The following PER1 variants were observed in gnomAD, a reference collection of about 807,000 sequenced individuals.
PER1 encodes the protein period circadian protein homolog 1.
Under a neutral mutation model 125.9 loss-of-function variants are expected in PER1, and 87 were observed. The ratio of observed to expected loss-of-function variants is 0.69; its 90% CI spans 0.58 to 0.83. The LOEUF is 0.83. Among genes scored for constraint, PER1 ranks in the 40% least tolerant of loss-of-function variants. The probability of loss-of-function intolerance (pLI) is 0.00; values close to 1 mark genes in which losing one functional copy is unlikely to be tolerated. For missense variants in PER1, 1,775 were observed against 1,722.8 expected (o/e 1.03, Z -0.54); for synonymous variants, 801 against 714.7 (o/e 1.12, Z -1.93).
At position 8,147,699 on chromosome 17, in the gene PER1, C is replaced by A; in HGVS notation, c.1363G>T (p.Val455Leu). Residue 455 changes from valine to leucine, a missense_variant, in exon 11 of 23, where the codon GTG becomes TTG. By Grantham distance (32) the Val-to-Leu change is conservative. Transcript: ENST00000317276. The stretch of plus-strand genomic sequence containing the variant: ...GTGCGTACTTTGTGGCGGCCCAACA[C>A]GAAGGCTACCTTGCGGCTCCAGGGG... ...VHPWSRKVAF[V>L]LGRHKVRTAP... 1 of 1,614,088 alleles carries A rather than the reference C, an allele frequency of 6.2e-7. No individual in the cohort carries two copies. The highest frequency in any genetic ancestry group is 1.1e-5 in the South Asian group (1 of 91,088).
intron 2 of PER1, 40 bp downstream of exon 2, chr17:8,150,392 C>T (rs1306878684): frequency 5.1e-6 from 8 of 1,571,570 alleles, no homozygotes; most frequent in Non-Finnish European, 6.1e-6. Flanking sequence ...TGCCTGCTCA[C>T]AAGACCATTC....
intron 20 of PER1, 87 bp from the exon 21 acceptor site, chr17:8,142,545 T>A: frequency 6.5e-7 from 1 of 1,542,746 alleles, no homozygotes. Context: ...AAAGGCCACA[T>A]GTCCATCCCA....
Position 8,150,620 on chromosome 17 carries a change from C to T in PER1, c.87G>A (p.Gly29=). The change falls in exon 2 of 23, where the codon GGG becomes GGA. Residue 29 remains glycine, a synonymous_variant. Transcript: ENST00000317276. ...CTGGGCAAGGCCGGTGCTGTGGGGG[C>T]CCAGGGGATGGGACGCCCCCAGGAC... ...SFCPGGVPSP[G]PPQHRPCPGP... is the part of the protein sequence containing the mutation. 1 of 1,612,856 alleles carries T rather than the reference C, an allele frequency of 6.2e-7. No homozygotes were observed. Among genetic ancestry groups the T allele is most frequent in the Admixed American group, 1.7e-5 (1 of 59,802 alleles).
chr17:8,149,437 T>C (rs1982684177), intron 6 of PER1, 25 bp downstream of exon 6: 3 of 1,608,850 alleles, frequency 1.9e-6, no homozygotes, highest in Non-Finnish European at 2.6e-6. Context: ...TGCTCATGCC[T>C]CCCCACAGCG....
chr17:8,149,886 G>A lies in PER1; in HGVS notation c.530-10C>T, dbSNP rs1308583781. ...TAGTATTCCTGGTTGGCTGCAGAGT[G>A]GAGGCAGTGAGGCATTCAGTAAGGA... On this transcript the variant is annotated splice_polypyrimidine_tract_variant and intron_variant, in intron 4 of 22. Coordinates refer to ENST00000317276, the MANE Select transcript of PER1 (RefSeq NM_002616.3). The A allele has an allele frequency of 6.2e-7, 1 of 1,614,134 alleles. No homozygotes were observed. Among genetic ancestry groups the A allele is most frequent in the Non-Finnish European group, 8.5e-7 (1 of 1,180,024 alleles).
At chr17:8,145,726 C>G (rs1330322560) in intron 17 of PER1, among the ~76,000 whole-genome samples, 2 of 152,216 alleles carry the variant, frequency 1.3e-5, no homozygotes, top group Non-Finnish European at 2.9e-5. Context: ...AACCCTCTAT[C>G]CCAGACTCTG....
At position 8,141,035 on chromosome 17, in the gene PER1, C is replaced by T; in HGVS notation, c.*33G>A. On this transcript the variant is annotated 3_prime_UTR_variant, in exon 23 of 23. Transcript: ENST00000317276. ...TGGGACATAGGAGAAGAAAGCCTCT[C>T]ATGGACTCCTGGAGATGGTCCCAGA... 6.3e-7 allele frequency: 1 copy of T among 1,581,634 alleles called. No homozygotes were observed. Among genetic ancestry groups the T allele is most frequent in the Non-Finnish European group, 8.6e-7 (1 of 1,160,834 alleles).
chr17:8,145,835 C>A (rs1982395895), intron 17 of PER1, 123 bp downstream of exon 17: 2 of 1,111,176 alleles, frequency 1.8e-6, no homozygotes, highest in Admixed American at 2.5e-5. Flanking sequence ...TAGCCCCAAG[C>A]CCCAGGTCAA....
At chr17:8,145,052 T>TA in intron 17 of PER1, 59 bp from the exon 18 acceptor site, 9 of 1,388,498 alleles carry the variant, frequency 6.5e-6, no homozygotes, top group Non-Finnish European at 7.5e-6. Context: ...AACACATCCA[T>TA]ACCACACCCT....
Position 8,149,742 on chromosome 17 carries a change from G to C in PER1, c.651+13C>G. ...GGGGTGCGTCGGGATGCAGAGGCCA[G>C]GCCGCCGCTGACCTGGTTCTGAAGT... is the stretch of plus-strand genomic sequence containing the variant. On this transcript the variant is annotated intron_variant, in intron 5 of 22. Transcript: ENST00000317276. The C allele has an allele frequency of 6.2e-7, 1 of 1,612,646 alleles. No individual in the cohort carries two copies. Among genetic ancestry groups the C allele is most frequent in the Non-Finnish European group, 8.5e-7 (1 of 1,179,988 alleles).
intron 1 of PER1, among the ~76,000 whole-genome samples, chr17:8,152,100 A>G: frequency 6.6e-6 from 1 of 152,164 alleles, no homozygotes; most frequent in East Asian, 1.9e-4. Flanking sequence ...GGGGCCGGGA[A>G]AGCTGGGACG....
chr17:8,141,178 G>A lies in PER1; in HGVS notation c.3763C>T (p.Gln1255Ter). 1.2e-6 allele frequency: 2 copies of A among 1,614,140 alleles called. No homozygotes were observed. Among genetic ancestry groups the A allele is most frequent in the Non-Finnish European group, 1.7e-6 (2 of 1,180,024 alleles). ...SGEGEGCEEAQGGAKASSSQD... is the reference protein window; with the variant it reads ...SGEGEGCEEA ...GAGCTTGAAGCCTTGGCCCCGCCTT[G>A]GGCCTCCTCGCAGCCCTCTCCCTCA... The change falls in exon 23 of 23, where the codon CAA (glutamine) becomes TAA (stop). Residue 1255 changes from glutamine to a stop codon, truncating the protein, a stop_gained. Coordinates refer to ENST00000317276, the MANE Select transcript of PER1 (RefSeq NM_002616.3). LOFTEE classifies it high-confidence loss of function.
chr17:8,149,712 G>T (rs372070370), intron 5 of PER1, 43 bp downstream of exon 5: 1 of 1,612,902 alleles, frequency 6.2e-7, no homozygotes, highest in Non-Finnish European at 8.5e-7. Context: ...GTGGGAGAAG[G>T]AGTAGGGGTG....
At chr17:8,149,702 G>A (rs1454555523) in intron 5 of PER1, 39 bp from the exon 6 acceptor site, 2 of 1,611,798 alleles carry the variant, frequency 1.2e-6, no homozygotes, top group Non-Finnish European at 8.5e-7. Context: ...TTCAAGAGCT[G>A]TGGGAGAAGG....
Position 8,147,340 on chromosome 17 carries a change from GCCGACTC to G in PER1, c.1532_1538del (p.Gly511AlafsTer3). ...GGAGAGGGCCTGGGGATGTCACGGCGCCGACTCCACAGAGTCCCGTGGGGCTGGGGCT... is the reference window on the plus strand; with the variant it reads ...GGAGAGGGCCTGGGGATGTCACGGCGCACAGAGTCCCGTGGGGCTGGGGCT... On this transcript the variant is annotated frameshift_variant, in exon 13 of 23. Coordinates refer to ENST00000317276, the MANE Select transcript of PER1 (RefSeq NM_002616.3). LOFTEE classifies it high-confidence loss of function. The G allele has an allele frequency of 6.2e-7, 1 of 1,613,608 alleles. No individual in the cohort carries two copies. The highest frequency in any genetic ancestry group is 8.5e-7 in the Non-Finnish European group (1 of 1,179,914).
At chr17:8,143,197 C>T (rs1982188798) in intron 19 of PER1, 69 bp downstream of exon 19, 2 of 1,134,992 alleles carry the variant, frequency 1.8e-6, no homozygotes, top group Non-Finnish European at 2.4e-6. Context: ...AGACAGCAGG[C>T]AGCACAGGGT....
rs55822222 is a variant in PER1, at chr17:8,141,742, CT to C, written c.3600+62del. ...CTCCCCCTTGAACTTGAGCTCAATT[CT>C]TTTTTCTCCCCCTTGAACTTGAGCT... On this transcript the variant is annotated intron_variant, in intron 22 of 22. Coordinates refer to ENST00000317276, the MANE Select transcript of PER1 (RefSeq NM_002616.3). 1.8e-4 allele frequency: 246 copies of C among 1,383,286 alleles called. 9 individuals carry two copies. The highest frequency in any genetic ancestry group is 9.4e-4 in the African/African-American group (46 of 48,848). The allele number at this position is 1,383,286 out of a possible 1,614,324, so 85.7% of individuals were successfully genotyped here. A position where few individuals can be genotyped will look rare whatever the true frequency, so the allele number is the denominator to read the frequency against.
chr17:8,143,654 G>T lies in PER1; in HGVS notation c.2684C>A (p.Pro895His). Residue 895 changes from proline to histidine, a missense_variant, in exon 19 of 23, where the codon CCC becomes CAC. By Grantham distance (77) the Pro-to-His change is moderately conservative. Coordinates refer to ENST00000317276, the MANE Select transcript of PER1 (RefSeq NM_002616.3). ...TGTGGGAGCAGGGGGAAGAGGCTGG[G>T]GGCCTCCTCGAGGAGAGAACACTGG... is the stretch of plus-strand genomic sequence containing the variant. ...PLPVFSPRGG[P>H]QPLPPAPTSV... is the part of the protein sequence containing the mutation. 1 of 1,460,266 alleles carries T rather than the reference G, an allele frequency of 6.8e-7. No individual in the cohort carries two copies. The highest frequency in any genetic ancestry group is 9.1e-7 in the Non-Finnish European group (1 of 1,098,734). The allele number at this position is 1,460,266 out of a possible 1,614,324, so 90.5% of individuals were successfully genotyped here.
chr17:8,149,125 G>T (rs909930384), intron 7 of PER1, 134 bp downstream of exon 7: 6 of 808,472 alleles, frequency 7.4e-6, no homozygotes, highest in African/African-American at 5.1e-5. Context: ...GGAGGCGGAG[G>T]TTGCAGTGAG....
Sources: gnomAD v4.1 joint callset for allele counts (sites outside exome capture counted in the v4.1 genomes callset) on GRCh38, gnomAD v4.1.1 for gene constraint, MANE v1.5 for transcripts, NCBI Gene and HGNC (gene_info 2026-07-23, HGNC 2026-07-21) for gene names.